ADGB: variants seen among roughly 807,000 people sequenced by gnomAD.
ADGB encodes androglobin, also known as calpain-7-like protein.
A neutral mutation model predicts 210.5 loss-of-function variants in ADGB; 172 were observed. The observed-to-expected ratio is 0.82, with a 90% CI of 0.72 to 0.93. The LOEUF (loss-of-function observed/expected upper bound fraction) is 0.93. Among genes scored for constraint, ADGB ranks in the 40% least tolerant of loss-of-function variants. The pLI is 0.00. For synonymous variants in ADGB, 658 were observed against 662.7 expected (o/e 0.99, Z 0.11); for missense variants, 2,025 against 1,964.8 (o/e 1.03, Z -0.58).
intron 32 of ADGB, among the ~76,000 whole-genome samples, chr6:146,785,930 C>T (rs973302605): frequency 3.3e-5 from 5 of 151,922 alleles, no homozygotes; most frequent in African/African-American, 4.8e-5. Flanking sequence ...TCCTACATCT[C>T]CCCCTTCACA....
intron 13 of ADGB, among the ~76,000 whole-genome samples, chr6:146,715,044 C>A (rs995850902): frequency 6.6e-6 from 1 of 152,086 alleles, no homozygotes; most frequent in Admixed American, 6.5e-5. Flanking sequence ...ATTAAGTTAT[C>A]TATATTAATA....
At chr6:146,717,934 A>G (rs1385649624) in intron 16 of ADGB, among the ~76,000 whole-genome samples, 1 of 152,176 alleles carries the variant, frequency 6.6e-6, no homozygotes, top group Non-Finnish European at 1.5e-5. Context: ...TGAATAGTGT[A>G]TGTTTCCTAA....
At chr6:146,659,915 T>TA (rs1189230460) in intron 5 of ADGB, among the ~76,000 whole-genome samples, 1 of 152,188 alleles carries the variant, frequency 6.6e-6, no homozygotes, top group African/African-American at 2.4e-5. Flanking sequence ...TTGTTTCTGA[T>TA]AAACAGAGAA....
chr6:146,611,921 A>G (rs1005256765), intron 1 of ADGB, among the ~76,000 whole-genome samples: 2 of 152,136 alleles, frequency 1.3e-5, no homozygotes, highest in African/African-American at 4.8e-5. Flanking sequence ...TCTTATAAAT[A>G]TTAGCTTTGC....
At chr6:146,750,905 G>A (rs1213722891) in intron 26 of ADGB, among the ~76,000 whole-genome samples, 4 of 152,096 alleles carry the variant, frequency 2.6e-5, no homozygotes, top group Admixed American at 1.3e-4. Flanking sequence ...GAGGGTTGAC[G>A]TGGCAGTAGT....
chr6:146,726,103 A>G lies in ADGB; in HGVS notation c.2258A>G (p.Asn753Ser). 6.5e-7 allele frequency: 1 copy of G among 1,540,834 alleles called. No individual in the cohort carries two copies. The highest frequency in any genetic ancestry group is 8.8e-7 in the Non-Finnish European group (1 of 1,138,432). The change falls in exon 19 of 36, where the codon AAC becomes AGC. Residue 753 changes from asparagine to serine, a missense_variant. Transcript: ENST00000397944. ...TTTAGGAGACACATGCTACTCTTCA[A>G]CGCATACTCCCCAGTAGGACACTCC... ...LPVGRHMLLF[N>S]AYSPVGHSIH...
chr6:146,682,834 T>G (rs1399147320), intron 9 of ADGB, among the ~76,000 whole-genome samples: 1 of 152,174 alleles, frequency 6.6e-6, no homozygotes, highest in Non-Finnish European at 1.5e-5. Context: ...TCTTGGCTAA[T>G]AAACTTTTTT....
intron 25 of ADGB, among the ~76,000 whole-genome samples, 172 bp downstream of exon 25, chr6:146,741,443 G>T (rs940254942): frequency 1.3e-5 from 2 of 152,002 alleles, no homozygotes; most frequent in Non-Finnish European, 2.9e-5. Flanking sequence ...GATATTAAAT[G>T]TAAGTGCTAA....
At chr6:146,736,350 C>T in intron 22 of ADGB, 148 bp from the exon 23 acceptor site, 1 of 538,580 alleles carries the variant, frequency 1.9e-6, no homozygotes. Flanking sequence ...ATATTTTAAA[C>T]CTGAGTTTTC....
chr6:146,686,063 ATACATAGTCACT>A (rs1776228158), intron 10 of ADGB, among the ~76,000 whole-genome samples: 1 of 152,140 alleles, frequency 6.6e-6, no homozygotes, highest in African/African-American at 2.4e-5. Context: ...AAAAGAAAAA[ATACATAGTCACT>A]TTTAATTTTT....
intron 16 of ADGB, among the ~76,000 whole-genome samples, chr6:146,720,980 C>T (rs1162377368): frequency 6.6e-6 from 1 of 152,172 alleles, no homozygotes; most frequent in Non-Finnish European, 1.5e-5. Flanking sequence ...ACATACCACC[C>T]TGTAAAATAA....
At chr6:146,808,086 G>C (rs1778241149) in intron 35 of ADGB, among the ~76,000 whole-genome samples, 1 of 133,870 alleles carries the variant, frequency 7.5e-6, no homozygotes, top group South Asian at 2.4e-4. Context: ...TGCAACCTCT[G>C]CCTCCCAGGT....
chr6:146,726,770 CTTAG>C (rs780839888), intron 19 of ADGB, among the ~76,000 whole-genome samples: 38 of 152,270 alleles, frequency 2.5e-4, no homozygotes, highest in Non-Finnish European at 5.1e-4. Context: ...CTGTTAATAT[CTTAG>C]TTAGATCCCA....
chr6:146,769,185 T>G, intron 29 of ADGB, 54 bp downstream of exon 29: 1 of 812,750 alleles, frequency 1.2e-6, no homozygotes, highest in Non-Finnish European at 1.9e-6. Context: ...AAGTTGATAT[T>G]TAAATATTTA....
chr6:146,784,784 G>C lies in ADGB; in HGVS notation c.4202G>C (p.Arg1401Thr). ...KQAWETTEPG[R>T]AIKASQARLH... ...GCCTGGGAGACAACTGAGCCAGGAA[G>C]AGCAATCAAGGTCACCTGATTTCGA... Residue 1401 changes from arginine to threonine, a missense_variant, in exon 31 of 36, where the codon AGA becomes ACA. By Grantham distance (71) the Arg-to-Thr change is moderately conservative (BLOSUM62 -1). Transcript: ENST00000397944. 10 of 1,547,232 alleles carry C rather than the reference G, an allele frequency of 6.5e-6. No individual in the cohort carries two copies. The highest frequency in any genetic ancestry group is 7.9e-6 in the Non-Finnish European group (9 of 1,145,286).
chr6:146,761,383 C>G (rs1301756874), intron 27 of ADGB, among the ~76,000 whole-genome samples: 1 of 151,962 alleles, frequency 6.6e-6, no homozygotes, highest in African/African-American at 2.4e-5. Flanking sequence ...ACATTTTAGT[C>G]AAAAGTCACT....
chr6:146,603,134 T>G (rs1039479429), intron 1 of ADGB, among the ~76,000 whole-genome samples: 1 of 152,154 alleles, frequency 6.6e-6, no homozygotes, highest in Non-Finnish European at 1.5e-5. Context: ...GAATTAAAAT[T>G]TTAAGATGTG....
chr6:146,765,511 A>G (rs148989227), intron 28 of ADGB, among the ~76,000 whole-genome samples: 2 of 151,966 alleles, frequency 1.3e-5, no homozygotes, highest in African/African-American at 4.8e-5. Flanking sequence ...TCCCTATCAT[A>G]TAGTATGTTA....
At chr6:146,671,081 G>A (rs899624401) in intron 7 of ADGB, among the ~76,000 whole-genome samples, 1 of 152,154 alleles carries the variant, frequency 6.6e-6, no homozygotes, top group Non-Finnish European at 1.5e-5. Context: ...CCTAGAGGAG[G>A]AATAGGATGT....
Sources: gnomAD v4.1 joint callset for allele counts (sites outside exome capture counted in the v4.1 genomes callset) on GRCh38, gnomAD v4.1.1 for gene constraint, MANE v1.5 for transcripts, NCBI Gene and HGNC (gene_info 2026-07-23, HGNC 2026-07-21) for gene names.